The following SCGB2A2 variants were observed in gnomAD, a reference collection of about 807,000 sequenced individuals.
SCGB2A2 encodes secretoglobin family 2A member 2.
Under a neutral mutation model 8.8 loss-of-function variants are expected in SCGB2A2, and 11 were observed. The observed-to-expected ratio is 1.25, with a 90% CI of 0.79 to 2.07. The LOEUF is 2.07. Ranked by LOEUF, SCGB2A2 falls within the 30% of genes most tolerant of loss-of-function variation. SCGB2A2 has a pLI of 0.00. For synonymous variants in SCGB2A2, 42 were observed against 40.9 expected (o/e 1.03, Z -0.10); for missense variants, 113 against 109.9 (o/e 1.03, Z -0.13).
intron 2 of SCGB2A2, 117 bp from the exon 3 acceptor site, chr11:62,272,840 T>C: frequency 1.6e-6 from 1 of 644,246 alleles, no homozygotes; most frequent in Non-Finnish European, 2.6e-6. Flanking sequence ...CCTAACCGTC[T>C]GGGATGCTAG....
chr11:62,271,533 A>G (rs990944945), intron 2 of SCGB2A2: 4 of 1,139,570 alleles, frequency 3.5e-6, no homozygotes, highest in Non-Finnish European at 4.3e-6. Context: ...ACACCAGCAC[A>G]CAATCATCCA....
intron 2 of SCGB2A2, chr11:62,272,042 TAA>T (rs71053028): frequency 0.018 from 3,911 of 214,340 alleles, 27 homozygotes; most frequent in African/African-American, 0.04. Flanking sequence ...CCTTCCCTGG[TAA>T]AAAAAAAAAA....
chr11:62,270,193 A>G lies in SCGB2A2; in HGVS notation c.-24A>G. Reference sequence around the variant, plus strand: ...CCTTGATCCTTGCCACCCGCGACTGAACACCGACAGCAGCAGCCTCACCAT... The same window carrying G: ...CCTTGATCCTTGCCACCCGCGACTGGACACCGACAGCAGCAGCCTCACCAT... On this transcript the variant is annotated 5_prime_UTR_variant, in exon 1 of 3. Transcript: ENST00000227918. 6.2e-7 allele frequency: 1 copy of G among 1,613,626 alleles called. No homozygotes were observed. The highest frequency in any genetic ancestry group is 8.5e-7 in the Non-Finnish European group (1 of 1,179,728).
rs368704850 is a variant in SCGB2A2, at chr11:62,270,231, G to T, written c.15G>T (p.Met5Ile). The change falls in exon 1 of 3, where the codon ATG becomes ATT. Residue 5 changes from methionine (M) to isoleucine (I), a missense_variant. Physicochemically the swap from Met to Ile is conservative, Grantham distance 10 (BLOSUM62 1). Coordinates refer to ENST00000227918, the MANE Select transcript of SCGB2A2 (RefSeq NM_002411.4). Reference protein sequence around the residue: MKLLMVLMLAALSQH... With the variant: MKLLIVLMLAALSQH... Reference sequence around the variant, plus strand: ...GCAGCCTCACCATGAAGTTGCTGATGGTCCTCATGCTGGCGGCCCTCTCCC... The same window carrying T: ...GCAGCCTCACCATGAAGTTGCTGATTGTCCTCATGCTGGCGGCCCTCTCCC... The T allele has an allele frequency of 6.2e-7, 1 of 1,613,812 alleles. No homozygotes were observed. The highest frequency in any genetic ancestry group is 1.7e-5 in the Admixed American group (1 of 59,994).
intron 2 of SCGB2A2, among the ~76,000 whole-genome samples, chr11:62,272,691 C>G (rs569943120): frequency 6.9e-4 from 76 of 110,186 alleles, no homozygotes; most frequent in African/African-American, 2.3e-3. Context: ...AAGATTTTAA[C>G]AATCCTGTGA....
intron 2 of SCGB2A2, chr11:62,271,531 A>T: frequency 8.7e-7 from 1 of 1,149,820 alleles, no homozygotes; most frequent in Non-Finnish European, 1.1e-6. Context: ...TCACACCAGC[A>T]CACAATCATC....
intron 2 of SCGB2A2, chr11:62,271,807 A>G: frequency 5.1e-6 from 5 of 984,650 alleles, no homozygotes; most frequent in Non-Finnish European, 6.0e-6. Context: ...ATCTCAAATA[A>G]AAAGAATTTA....
At chr11:62,271,593 A>G in intron 2 of SCGB2A2, 11 of 1,048,244 alleles carry the variant, frequency 1.0e-5, no homozygotes, top group Non-Finnish European at 1.3e-5. Flanking sequence ...AGAAACACAG[A>G]GACACACACA....
intron 2 of SCGB2A2, chr11:62,271,977 A>G (rs1242649318): frequency 2.2e-6 from 2 of 892,898 alleles, no homozygotes; most frequent in Non-Finnish European, 2.6e-6. Context: ...CTATACATGT[A>G]TATTGTTGAG....
intron 2 of SCGB2A2, chr11:62,271,721 A>G: frequency 2.0e-6 from 2 of 986,132 alleles, no homozygotes; most frequent in Non-Finnish European, 2.4e-6. Context: ...TTCAAAAAAA[A>G]GTAAAAGTGT....
chr11:62,271,989 G>T lies in SCGB2A2; in HGVS notation c.243+921G>T, dbSNP rs1353259717. On this transcript the variant is annotated intron_variant, in intron 2 of 2. Transcript: ENST00000227918. Reference sequence around the variant, plus strand: ...TAACTATACATGTATATTGTTGAGGGTTTTCTTTAGCATTTATTCCCTATG... The same window carrying T: ...TAACTATACATGTATATTGTTGAGGTTTTTCTTTAGCATTTATTCCCTATG... 10 of 856,708 alleles carry T rather than the reference G, an allele frequency of 1.2e-5. No individual in the cohort carries two copies. In the African/African-American group the frequency reaches 2.0e-4, roughly 17 times the overall value. The allele number at this position is 856,708 out of a possible 1,614,324, so 53.1% of individuals were successfully genotyped here.
intron 2 of SCGB2A2, among the ~76,000 whole-genome samples, chr11:62,272,287 G>A (rs2134503211): frequency 6.6e-6 from 1 of 151,798 alleles, no homozygotes; most frequent in Admixed American, 6.6e-5. Context: ...GTCAGGGCTT[G>A]GGTGCAGAGA....
rs201676319 is a variant in SCGB2A2, at chr11:62,272,972, A to G, written c.259A>G (p.Ser87Gly). 7.5e-5 allele frequency: 121 copies of G among 1,609,100 alleles called. 1 individual carries two copies. Among genetic ancestry groups the G allele is most frequent in the Non-Finnish European group, 1.7e-6 (2 of 1,177,698 alleles). The change falls in exon 3 of 3, where the codon AGC becomes GGC. Residue 87 changes from serine (S) to glycine (G), a missense_variant. Ser to Gly is a moderately conservative substitution (Grantham distance 56, BLOSUM62 0). Transcript: ENST00000227918. ...VEVFMQLIYD[S>G]SLCDLF ...TGCTTTCTAGCAATTAATATATGAC[A>G]GCAGTCTTTGTGATTTATTTTAACT...
chr11:62,273,010 T>C lies in SCGB2A2; in HGVS notation c.*15T>C, dbSNP rs1256097977. 1 of 1,602,088 alleles carries C rather than the reference T, an allele frequency of 6.2e-7. No homozygotes were observed. The highest frequency in any genetic ancestry group is 1.1e-5 in the South Asian group (1 of 88,460). ...ATTTATTTTAACTTTCTGCAAGACC[T>C]TTGGCTCACAGAACTGCAGGGTATG... On this transcript the variant is annotated 3_prime_UTR_variant, in exon 3 of 3. Transcript: ENST00000227918.
chr11:62,271,374 C>T (rs1416714194), intron 2 of SCGB2A2: 1 of 1,433,652 alleles, frequency 7.0e-7, no homozygotes, highest in Non-Finnish European at 9.1e-7. Context: ...AACACAGACA[C>T]AATCACACAA....
At chr11:62,271,202 T>A in intron 2 of SCGB2A2, 134 bp downstream of exon 2, 1 of 1,566,854 alleles carries the variant, frequency 6.4e-7, no homozygotes, top group Non-Finnish European at 8.6e-7. Flanking sequence ...AGTTGAATGG[T>A]TAGTCTAATG....
chr11:62,271,938 A>G (rs1945282449), intron 2 of SCGB2A2: 1 of 959,404 alleles, frequency 1.0e-6, no homozygotes, highest in African/African-American at 1.8e-5. Context: ...GCCTCAAACA[A>G]AAACCAATAG....
At chr11:62,272,180 G>C in intron 2 of SCGB2A2, 24 of 186,082 alleles carry the variant, frequency 1.3e-4, no homozygotes, top group Non-Finnish European at 2.4e-4. Flanking sequence ...GAAGAGTGAA[G>C]CAAAGAGTCA....
chr11:62,272,914 G>A (rs947489243), intron 2 of SCGB2A2, 43 bp from the exon 3 acceptor site: 1 of 1,412,992 alleles, frequency 7.1e-7, no homozygotes, highest in South Asian at 1.2e-5. Context: ...TTTTGTTAGA[G>A]AGTGCAGAAA....
Sources: allele counts gnomAD v4.1 joint callset (sites outside exome capture counted in the v4.1 genomes callset), GRCh38; gene constraint gnomAD v4.1.1; transcripts MANE v1.5; gene names NCBI Gene and HGNC (gene_info 2026-07-23, HGNC 2026-07-21).